BRIP1: variants seen among roughly 807,000 people sequenced by gnomAD.
BRIP1 encodes BRCA1 interacting DNA helicase 1.
Under a neutral mutation model 119.7 loss-of-function variants are expected in BRIP1, and 88 were observed. The observed-to-expected ratio is 0.74, with a 90% CI of 0.62 to 0.88. The LOEUF is 0.88. Among genes scored for constraint, BRIP1 ranks in the 40% least tolerant of loss-of-function variants. The pLI, the probability that BRIP1 is intolerant of heterozygous loss-of-function variation, is 0.00. For synonymous variants in BRIP1, 443 were observed against 496.5 expected (o/e 0.89, Z 1.43); for missense variants, 1,259 against 1,455.4 (o/e 0.87, Z 2.20).
rs1379770865 is a variant in BRIP1, at chr17:61,804,958, G to C, written c.919-3484C>G. 5.5e-4 allele frequency among the ~76,000 whole-genome samples: 4 copies of C among 7,318 alleles called. No individual in the cohort carries two copies. The highest frequency in any genetic ancestry group is 1.3e-3 in the African/African-American group (2 of 1,546). The allele number at this position is 7,318 out of a possible 152,430, so 4.8% of individuals were successfully genotyped here. On this transcript the variant is annotated intron_variant, in intron 7 of 19. Transcript: ENST00000259008. The surrounding 1 kb of genome is among the most constrained non-coding windows in gnomAD (Gnocchi z 4.5). ...GGATGAAATGTCTCTCTCTTTCTGT[G>C]TGTGTGTGTGTGTGTGTGTGTGTGT...
At chr17:61,821,387 G>A (rs148873470) in intron 6 of BRIP1, among the ~76,000 whole-genome samples, 3 of 152,220 alleles carry the variant, frequency 2.0e-5, no homozygotes, top group Non-Finnish European at 2.9e-5. Flanking sequence ...TTGTTACTTG[G>A]GGGTGGAGAG....
intron 10 of BRIP1, among the ~76,000 whole-genome samples, chr17:61,792,044 T>C (rs1436097656): frequency 6.6e-6 from 1 of 152,194 alleles, no homozygotes; most frequent in East Asian, 1.9e-4. Flanking sequence ...CTTTTGTTCA[T>C]TGCTGGTGGG....
intron 10 of BRIP1, among the ~76,000 whole-genome samples, chr17:61,791,129 A>T (rs1486844632): frequency 2.6e-5 from 4 of 152,220 alleles, no homozygotes; most frequent in Non-Finnish European, 5.9e-5. Context: ...TCATGTTGGC[A>T]ATTATTTTCA....
chr17:61,764,935 A>C (rs2077329642), intron 14 of BRIP1, among the ~76,000 whole-genome samples: 1 of 152,014 alleles, frequency 6.6e-6, no homozygotes, highest in Non-Finnish European at 1.5e-5. Context: ...TAACAGTATT[A>C]ACAGGTGCAG....
chr17:61,728,652 A>C (rs1458493985), intron 16 of BRIP1, among the ~76,000 whole-genome samples: 2 of 152,200 alleles, frequency 1.3e-5, no homozygotes, highest in Non-Finnish European at 2.9e-5. Flanking sequence ...TAAGCAAGAA[A>C]CAAGAGGAAG....
rs1382035238 is a variant in BRIP1 at position 61,755,671 on chromosome 17, GCTAGA to G, written c.2098-11085_2098-11081del. 6.6e-6 allele frequency among the ~76,000 whole-genome samples: 1 copy of G among 152,174 alleles called. No homozygotes were observed. Among genetic ancestry groups the G allele is most frequent in the Non-Finnish European group, 1.5e-5 (1 of 68,028 alleles). ...CTAAAAGACATGAGCAAACAGACTA[GCTAGA>G]CTAGACTAGTTTTCTCTTGGTGAGA... On this transcript the variant is annotated intron_variant, in intron 14 of 19. Coordinates refer to ENST00000259008, the MANE Select transcript of BRIP1 (RefSeq NM_032043.3). This position sits in a 1 kb window ranked among gnomAD's most constrained non-coding sequence, Gnocchi z 4.5.
chr17:61,691,930 TAGAG>T lies in BRIP1; in HGVS notation c.2575+1496_2575+1499del, dbSNP rs1479124093. ...AACCATATAAGCCAATGGAACATAA[TAGAG>T]AGCTCAGAAGCAGATCCACACATAT... On this transcript the variant is annotated intron_variant, in intron 18 of 19. Coordinates refer to ENST00000259008, the MANE Select transcript of BRIP1 (RefSeq NM_032043.3). This position sits in a 1 kb window ranked among gnomAD's most constrained non-coding sequence, Gnocchi z 5.0. Among the ~76,000 whole-genome samples the T allele has an allele frequency of 4.0e-5, 6 of 151,822 alleles. No individual in the cohort carries two copies. The highest frequency in any genetic ancestry group is 1.9e-4 in the East Asian group (1 of 5,160).
In BRIP1 at chr17:61,725,935, CTT is replaced by C. The variant is rs200132713; in HGVS notation, c.2380-9874_2380-9873del. ...TCCACCATGCCTGGCCTAAAAAATTCTTTTTAAGAGTAATGACCTTTGTGTCA... is the reference window on the plus strand; with the variant it reads ...TCCACCATGCCTGGCCTAAAAAATTCTTTAAGAGTAATGACCTTTGTGTCA... On this transcript the variant is annotated intron_variant, in intron 16 of 19. Transcript: ENST00000259008. The surrounding 1 kb of genome is among the most constrained non-coding windows in gnomAD (Gnocchi z 5.3). Among the ~76,000 whole-genome samples, 795 of 152,260 alleles carry C rather than the reference CTT, an allele frequency of 5.2e-3. 9 individuals carry two copies. The highest frequency in any genetic ancestry group is 0.018 in the African/African-American group (762 of 41,552).
In BRIP1 at chr17:61,746,948, C is replaced by T. The variant is rs939701871; in HGVS notation, c.2098-2357G>A. On this transcript the variant is annotated intron_variant, in intron 14 of 19. Coordinates refer to ENST00000259008, the MANE Select transcript of BRIP1 (RefSeq NM_032043.3). The surrounding 1 kb of genome is among the most constrained non-coding windows in gnomAD (Gnocchi z 4.9). ...TCATGTGTTAGGTAACAAAGCAAGT[C>T]TTAACAAATGTAAGATAAAAATTAA... Among the ~76,000 whole-genome samples, 1 of 152,050 alleles carries T rather than the reference C, an allele frequency of 6.6e-6. No homozygotes were observed. Among genetic ancestry groups the T allele is most frequent in the Middle Eastern group, 3.2e-3 (1 of 316 alleles).
chr17:61,792,716 T>C (rs978185775), intron 10 of BRIP1, among the ~76,000 whole-genome samples: 1 of 152,162 alleles, frequency 6.6e-6, no homozygotes, highest in African/African-American at 2.4e-5. Flanking sequence ...AGAAGATTTT[T>C]AGGACAGTGA....
intron 19 of BRIP1, 184 bp downstream of exon 19, chr17:61,685,652 T>C: frequency 3.3e-6 from 2 of 604,178 alleles, no homozygotes; most frequent in Non-Finnish European, 5.7e-6. Flanking sequence ...GAAAATATGC[T>C]CTGGTCTCCT....
chr17:61,680,647 T>C lies in BRIP1; in HGVS notation c.*2649A>G, dbSNP rs915284078. 1.3e-5 allele frequency among the ~76,000 whole-genome samples: 2 copies of C among 151,372 alleles called. No individual in the cohort carries two copies. Among genetic ancestry groups the C allele is most frequent in the Non-Finnish European group, 2.9e-5 (2 of 67,818 alleles). On this transcript the variant is annotated 3_prime_UTR_variant, in exon 20 of 20. Transcript: ENST00000259008. ...GGCGCCCGCCACCACGCCTGGCTAA[T>C]TTTTTGTATTTTTAGTAGAGACGGG...
rs771630777 is a variant in BRIP1, at chr17:61,801,418, T to A, written c.975A>T (p.Leu325Phe). 2.5e-6 allele frequency: 4 copies of A among 1,613,990 alleles called. No homozygotes were observed. In the East Asian group the frequency reaches 8.9e-5, roughly 36 times the overall value. ...GVHKISDQHT[L>F]QTFQGMCKAW... ...CTTTGCACATCCCTTGGAAAGTCTG[T>A]AATGTGTGCTGATCACTAATTTTAT... The change falls in exon 8 of 20, where the codon TTA becomes TTT. Residue 325 changes from leucine (L) to phenylalanine (F), a missense_variant. By Grantham distance (22) the Leu-to-Phe change is conservative (BLOSUM62 0). Around this residue, in one of 3 missense-constraint regions of BRIP1, gnomAD observed 501 missense variants for 544.0 expected, o/e 0.92. Transcript: ENST00000259008.
intron 6 of BRIP1, among the ~76,000 whole-genome samples, chr17:61,812,752 TTG>T (rs2078181646): frequency 6.6e-6 from 1 of 152,168 alleles, no homozygotes; most frequent in African/African-American, 2.4e-5. Context: ...AAAATTTTTC[TTG>T]TGTTTAATAA....
chr17:61,693,340 G>T lies in BRIP1; in HGVS notation c.2575+90C>A. On this transcript the variant is annotated intron_variant, in intron 18 of 19. Transcript: ENST00000259008. This position sits in a 1 kb window ranked among gnomAD's most constrained non-coding sequence, Gnocchi z 4.2. ...CAATATTGTACTGTGCACTTAATAA[G>T]ATAGTAGAGCTCATGTTATGTGTTT... 1.8e-6 allele frequency: 2 copies of T among 1,132,670 alleles called. No individual in the cohort carries two copies. The allele number at this position is 1,132,670 out of a possible 1,614,324, so 70.2% of individuals were successfully genotyped here.
At chr17:61,719,845 G>C (rs2144443785) in intron 16 of BRIP1, among the ~76,000 whole-genome samples, 1 of 152,000 alleles carries the variant, frequency 6.6e-6, no homozygotes, top group African/African-American at 2.4e-5. Flanking sequence ...TTGTTTTTTT[G>C]AGAGACAGGG....
rs1490823552 is a variant in BRIP1, at chr17:61,860,009, A to C, written c.94-102T>G. 1.0e-5 allele frequency: 8 copies of C among 772,238 alleles called. No individual in the cohort carries two copies. The East Asian group carries it at 2.1e-4, about 21-fold the overall frequency. 47.8% of individuals were successfully genotyped at this position (772,238 alleles called of 1,614,324 possible). A position where few individuals can be genotyped will look rare whatever the true frequency, so the allele number is the denominator to read the frequency against. ...GAACAGCAAGGAAAAGTGAGATTGCACTCCAGGGAACACAACAATAGCAGA... is the reference window on the plus strand; with the variant it reads ...GAACAGCAAGGAAAAGTGAGATTGCCCTCCAGGGAACACAACAATAGCAGA... On this transcript the variant is annotated intron_variant, in intron 2 of 19. Coordinates refer to ENST00000259008, the MANE Select transcript of BRIP1 (RefSeq NM_032043.3). This position sits in a 1 kb window ranked among gnomAD's most constrained non-coding sequence, Gnocchi z 4.1.
intron 17 of BRIP1, among the ~76,000 whole-genome samples, chr17:61,707,713 C>G (rs1306997813): frequency 6.6e-6 from 1 of 152,092 alleles, no homozygotes; most frequent in South Asian, 2.1e-4. Flanking sequence ...CAATATGGTA[C>G]ATCTCTATGG....
At position 61,780,353 on chromosome 17, in the gene BRIP1, C is replaced by G. The variant is rs1555602203; in HGVS notation, c.1843G>C (p.Gly615Arg). Residue 615 changes from glycine (G) to arginine (R), a missense_variant, in exon 13 of 20, where the codon GGT (glycine) becomes CGT (arginine). Gly to Arg is a moderately radical substitution (Grantham distance 125). Coordinates refer to ENST00000259008, the MANE Select transcript of BRIP1 (RefSeq NM_032043.3). This position sits in a 1 kb window ranked among gnomAD's most constrained non-coding sequence, Gnocchi z 5.4. ...AAGGATTTCATTGGTGATAATGTACCAGATGTCAAAACAATGGTCTGAACT... is the reference window on the plus strand; with the variant it reads ...AAGGATTTCATTGGTGATAATGTACGAGATGTCAAAACAATGGTCTGAACT... ...GKVQTIVLTS[G>R]TLSPMKSFSS... 1 of 1,610,638 alleles carries G rather than the reference C, an allele frequency of 6.2e-7. No individual in the cohort carries two copies. Among genetic ancestry groups the G allele is most frequent in the South Asian group, 1.1e-5 (1 of 90,960 alleles).
Sources: gnomAD v4.1 joint callset for allele counts (sites outside exome capture counted in the v4.1 genomes callset) on GRCh38, gnomAD v4.1.1 for gene constraint, gnomAD v4.1.1 regional missense constraint, Gnocchi (gnomAD v3.1) non-coding constraint, MANE v1.5 for transcripts, NCBI Gene and HGNC (gene_info 2026-07-23, HGNC 2026-07-21) for gene names.